The following GNAQ variants were observed in gnomAD, a reference collection of about 807,000 sequenced individuals.
GNAQ encodes G protein subunit alpha q, also known as guanine nucleotide-binding protein G(q) subunit alpha.
In GNAQ, 8 loss-of-function variants were observed where a neutral mutation model predicts 43.9. That is an observed-to-expected ratio of 0.18 (90% confidence interval 0.11 to 0.33). The LOEUF (loss-of-function observed/expected upper bound fraction) is 0.33. Ranked by LOEUF, GNAQ falls within the 10% of genes least tolerant of loss-of-function variation. GNAQ has a pLI of 1.00. For missense variants in GNAQ, 158 were observed against 450.8 expected (o/e 0.35, Z 5.88); for synonymous variants, 155 against 170.7 (o/e 0.91, Z 0.71).
intron 2 of GNAQ, among the ~76,000 whole-genome samples, chr9:77,895,794 CG>C (rs1281922644): frequency 6.6e-6 from 1 of 152,022 alleles, no homozygotes; most frequent in African/African-American, 2.4e-5. Flanking sequence ...CGGTGCTGTT[CG>C]CATAATGGTG....
chr9:77,802,593 G>T (rs1223576681), intron 3 of GNAQ, among the ~76,000 whole-genome samples: 1 of 151,884 alleles, frequency 6.6e-6, no homozygotes, highest in African/African-American at 2.4e-5. Flanking sequence ...AATTTATACT[G>T]TAAATTCAGA....
chr9:77,866,653 C>G, intron 2 of GNAQ, among the ~76,000 whole-genome samples: 1 of 152,124 alleles, frequency 6.6e-6, no homozygotes, highest in South Asian at 2.1e-4. Flanking sequence ...TAGATGCATA[C>G]AGCAATGAGT....
chr9:77,892,431 T>C (rs1394786113), intron 2 of GNAQ, among the ~76,000 whole-genome samples: 1 of 152,220 alleles, frequency 6.6e-6, no homozygotes, highest in Non-Finnish European at 1.5e-5. Flanking sequence ...GGATTTCTCA[T>C]AGGTTCAATA....
At chr9:77,798,182 T>C (rs1469652220) in intron 3 of GNAQ, among the ~76,000 whole-genome samples, 1 of 152,222 alleles carries the variant, frequency 6.6e-6, no homozygotes, top group African/African-American at 2.4e-5. Context: ...ATGATTAATG[T>C]GAAGCCATGA....
At chr9:78,022,883 T>C (rs966112601) in intron 1 of GNAQ, among the ~76,000 whole-genome samples, 1 of 152,204 alleles carries the variant, frequency 6.6e-6, no homozygotes, top group Admixed American at 6.5e-5. Context: ...TGATTGGGTA[T>C]AACAAAAGTA....
At chr9:77,739,182 C>T (rs1825615650) in intron 5 of GNAQ, among the ~76,000 whole-genome samples, 2 of 152,070 alleles carry the variant, frequency 1.3e-5, no homozygotes, top group Admixed American at 6.6e-5. Flanking sequence ...CTTTTAGAAT[C>T]TTTTTCATAT....
At chr9:77,850,021 C>G (rs1456081294) in intron 2 of GNAQ, among the ~76,000 whole-genome samples, 1 of 152,172 alleles carries the variant, frequency 6.6e-6, no homozygotes, top group Non-Finnish European at 1.5e-5. Flanking sequence ...ACTACTTTCT[C>G]CTCATTCTAT....
intron 5 of GNAQ, among the ~76,000 whole-genome samples, chr9:77,755,328 C>T (rs939045636): frequency 6.6e-6 from 1 of 151,974 alleles, no homozygotes; most frequent in African/African-American, 2.4e-5. Flanking sequence ...AGGGTAATTA[C>T]AGTTAAGTTT....
chr9:77,985,894 T>A (rs1052137559), intron 1 of GNAQ, among the ~76,000 whole-genome samples: 1 of 152,204 alleles, frequency 6.6e-6, no homozygotes, highest in East Asian at 1.9e-4. Flanking sequence ...GGCCTAAGTA[T>A]GATTTTTTAA....
At chr9:77,729,139 A>G (rs1457026237) in intron 5 of GNAQ, among the ~76,000 whole-genome samples, 1 of 152,212 alleles carries the variant, frequency 6.6e-6, no homozygotes, top group African/African-American at 2.4e-5. Flanking sequence ...TGTCAAAAGC[A>G]TATCTATATT....
chr9:77,888,350 G>A (rs1465793533), intron 2 of GNAQ, among the ~76,000 whole-genome samples: 1 of 152,074 alleles, frequency 6.6e-6, no homozygotes, highest in African/African-American at 2.4e-5. Context: ...ACAGATTTCA[G>A]AATACTAATT....
intron 1 of GNAQ, among the ~76,000 whole-genome samples, chr9:77,946,192 T>C (rs1012376626): frequency 5.9e-5 from 9 of 152,090 alleles, no homozygotes; most frequent in African/African-American, 2.2e-4. Context: ...CAACAGGAAC[T>C]AAAGAAAAAC....
intron 2 of GNAQ, among the ~76,000 whole-genome samples, chr9:77,919,483 G>C (rs1323064606): frequency 6.6e-6 from 1 of 152,110 alleles, no homozygotes; most frequent in African/African-American, 2.4e-5. Context: ...GAAGCTATCA[G>C]AGAACTCTCG....
intron 2 of GNAQ, among the ~76,000 whole-genome samples, chr9:77,872,574 G>A (rs1266745853): frequency 6.6e-6 from 1 of 152,082 alleles, no homozygotes; most frequent in Non-Finnish European, 1.5e-5. Context: ...TTTCATAACA[G>A]GGTGTAGAAT....
At chr9:77,951,645 G>A (rs930799199) in intron 1 of GNAQ, among the ~76,000 whole-genome samples, 4 of 152,116 alleles carry the variant, frequency 2.6e-5, no homozygotes, top group Non-Finnish European at 4.4e-5. Flanking sequence ...GGTTGGAATA[G>A]GTCCCTCAAC....
intron 2 of GNAQ, among the ~76,000 whole-genome samples, chr9:77,886,071 G>C (rs1022981596): frequency 2.0e-5 from 3 of 152,070 alleles, no homozygotes; most frequent in Non-Finnish European, 4.4e-5. Context: ...CCACCTCCTG[G>C]GTTCAAGTGA....
chr9:77,917,888 G>A (rs1828937455), intron 2 of GNAQ, among the ~76,000 whole-genome samples: 1 of 152,208 alleles, frequency 6.6e-6, no homozygotes, highest in Middle Eastern at 3.4e-3. Flanking sequence ...ACACACTCGG[G>A]GAAGAATTCA....
chr9:77,971,760 G>A (rs926863997), intron 1 of GNAQ, among the ~76,000 whole-genome samples: 3 of 152,178 alleles, frequency 2.0e-5, no homozygotes, highest in African/African-American at 7.2e-5. Context: ...ATTCAATATA[G>A]TATTGGAAGT....
chr9:77,853,461 C>T (rs577584489), intron 2 of GNAQ, among the ~76,000 whole-genome samples: 1 of 152,154 alleles, frequency 6.6e-6, no homozygotes, highest in South Asian at 2.1e-4. Flanking sequence ...AGGATTCTGA[C>T]CTCAGTAAGT....
Sources: allele counts gnomAD v4.1 joint callset (sites outside exome capture counted in the v4.1 genomes callset), GRCh38; gene constraint gnomAD v4.1.1; transcripts MANE v1.5; gene names NCBI Gene and HGNC (gene_info 2026-07-23, HGNC 2026-07-21).